TFEC: variants seen among roughly 807,000 people sequenced by gnomAD.
TFEC encodes the protein class E basic helix-loop-helix protein 34.
TFEC carries 31 observed loss-of-function variants against 41.6 expected under a neutral mutation model. The ratio of observed to expected loss-of-function variants is 0.74; its 90% confidence interval spans 0.56 to 1.01. The LOEUF (loss-of-function observed/expected upper bound fraction) is 1.01, where lower values mean the gene tolerates loss of function less well. Among genes scored for constraint, TFEC ranks in the 50% least tolerant of loss-of-function variants. The pLI is 0.00. For missense variants in TFEC, 402 were observed against 404.1 expected (o/e 0.99, Z 0.04); for synonymous variants, 143 against 140.6 (o/e 1.02, Z -0.12).
intron 3 of TFEC, among the ~76,000 whole-genome samples, chr7:115,965,541 G>A (rs1192113348): frequency 6.6e-6 from 1 of 151,188 alleles, no homozygotes; most frequent in Non-Finnish European, 1.5e-5. Context: ...TTTAGTTGAA[G>A]TTACTAATGT....
chr7:116,009,807 C>T (rs1486218714), intron 1 of TFEC, among the ~76,000 whole-genome samples: 1 of 152,162 alleles, frequency 6.6e-6, no homozygotes, highest in Non-Finnish European at 1.5e-5. Context: ...AACATGGTCT[C>T]TCTCCTCATG....
chr7:116,124,868 C>G (rs1484652429), intron 1 of TFEC, among the ~76,000 whole-genome samples: 2 of 152,118 alleles, frequency 1.3e-5, no homozygotes, highest in Non-Finnish European at 2.9e-5. Flanking sequence ...ACTGTGCAAG[C>G]TATGGTAGAG....
intron 1 of TFEC, among the ~76,000 whole-genome samples, chr7:116,153,532 G>A (rs913249522): frequency 3.9e-5 from 6 of 152,042 alleles, no homozygotes; most frequent in African/African-American, 7.2e-5. Flanking sequence ...GGATTACAGC[G>A]TAAGCCACCG....
chr7:116,003,841 A>C (rs1270721884), intron 1 of TFEC, among the ~76,000 whole-genome samples: 3 of 152,206 alleles, frequency 2.0e-5, no homozygotes, highest in Non-Finnish European at 4.4e-5. Context: ...AGCTAAAAAA[A>C]ACCCTCAAAA....
At chr7:116,123,289 TC>T (rs1343042862) in intron 1 of TFEC, among the ~76,000 whole-genome samples, 5 of 152,124 alleles carry the variant, frequency 3.3e-5, no homozygotes, top group Admixed American at 1.3e-4. Flanking sequence ...CTGAAGCCTC[TC>T]CTTTTGTCCC....
At chr7:116,043,638 C>T (rs1159399484) in intron 3 of TFEC, among the ~76,000 whole-genome samples, 1 of 152,000 alleles carries the variant, frequency 6.6e-6, no homozygotes, top group Non-Finnish European at 1.5e-5. Context: ...TCAAATAAAA[C>T]ATATTAAAAG....
At position 116,062,225 on chromosome 7, in the gene TFEC, C is replaced by CTTTTTTTTTTTTTTTTT. The variant is rs569480964; in HGVS notation, c.198+48466_198+48482dup. Among the ~76,000 whole-genome samples the CTTTTTTTTTTTTTTTTT allele has an allele frequency of 7.3e-4, 38 of 51,910 alleles. 3 individuals are homozygous for CTTTTTTTTTTTTTTTTT. The highest frequency in any genetic ancestry group is 1.5e-3 in the African/African-American group (13 of 8,896). 34.1% of individuals were successfully genotyped at this position (51,910 alleles called of 152,430 possible). A position where few individuals can be genotyped will look rare whatever the true frequency, so the allele number is the denominator to read the frequency against. On this transcript the variant is annotated intron_variant, in intron 3 of 8. Coordinates refer to the TFEC transcript ENST00000484212. ...ACAGGCATGTGCCAACATGCCTGGC[C>CTTTTTTTTTTTTTTTTT]TTTTTTTTTTTTTTTTTTTTTTTTT...
At chr7:115,984,548 G>A (rs1793770190) in intron 1 of TFEC, 35 bp from the exon 2 acceptor site, 2 of 1,598,950 alleles carry the variant, frequency 1.3e-6, no homozygotes, top group African/African-American at 1.3e-5. Flanking sequence ...ACAATGTGCA[G>A]CATCAGCTGT....
chr7:115,995,047 G>A (rs1794299211), intron 1 of TFEC, among the ~76,000 whole-genome samples: 1 of 152,024 alleles, frequency 6.6e-6, no homozygotes, highest in African/African-American at 2.4e-5. Flanking sequence ...GTCCTTTGTA[G>A]GGACATGGAT....
chr7:115,998,714 A>C lies in TFEC; in HGVS notation c.-72-14201T>G, dbSNP rs557721713. Among the ~76,000 whole-genome samples the C allele has an allele frequency of 2.0e-5, 3 of 152,198 alleles. No individual in the cohort carries two copies. In the East Asian group the frequency reaches 5.8e-4, roughly 29 times the overall value. On this transcript the variant is annotated intron_variant, in intron 1 of 7. Transcript: ENST00000265440. ...ATAGATAAAGTAGATTTCAAGAAAA[A>C]AGGTGTAAGAAGAGACAAAGAAGGT...
intron 6 of TFEC, among the ~76,000 whole-genome samples, chr7:115,949,986 T>G (rs181675539): frequency 1.3e-5 from 2 of 151,242 alleles, no homozygotes; most frequent in African/African-American, 4.8e-5. Context: ...TTTCAAATCA[T>G]TATTAATGCT....
intron 3 of TFEC, among the ~76,000 whole-genome samples, chr7:115,964,327 T>C (rs1792732963): frequency 6.6e-6 from 1 of 151,490 alleles, no homozygotes; most frequent in African/African-American, 2.4e-5. Context: ...TTTCAAGAAA[T>C]ATATCATGCC....
intron 5 of TFEC, among the ~76,000 whole-genome samples, chr7:115,953,304 T>C (rs1341057188): frequency 5.9e-5 from 9 of 152,134 alleles, no homozygotes; most frequent in South Asian, 2.1e-4. Context: ...CATAATTTTA[T>C]GTAAACTTCT....
At chr7:116,156,510 T>G (rs968544822) in intron 1 of TFEC, among the ~76,000 whole-genome samples, 1 of 152,184 alleles carries the variant, frequency 6.6e-6, no homozygotes, top group Non-Finnish European at 1.5e-5. Flanking sequence ...TTATTTCATG[T>G]GGGCTTCTCC....
At chr7:115,951,029 C>G in intron 5 of TFEC, 80 bp from the exon 6 acceptor site, 2 of 782,976 alleles carry the variant, frequency 2.6e-6, no homozygotes, top group South Asian at 3.0e-5. Context: ...TTTTAACAAT[C>G]TTTTAAAAAC....
chr7:115,977,342 G>C (rs149903066), intron 2 of TFEC, among the ~76,000 whole-genome samples: 731 of 152,064 alleles, frequency 4.8e-3, no homozygotes, highest in Non-Finnish European at 8.3e-3. Context: ...GAAAGTATAA[G>C]ATTCAAGGAC....
chr7:116,026,946 C>T (rs1795607265), intron 1 of TFEC, among the ~76,000 whole-genome samples: 1 of 152,118 alleles, frequency 6.6e-6, no homozygotes. Flanking sequence ...ATATCAGATG[C>T]CTCTTAGCCA....
chr7:116,054,112 T>C (rs528419743), intron 3 of TFEC, among the ~76,000 whole-genome samples: 5 of 152,266 alleles, frequency 3.3e-5, no homozygotes, highest in Admixed American at 1.3e-4. Flanking sequence ...AATAATTCTA[T>C]ACCATCAGGG....
At chr7:116,129,685 C>T (rs1224942779) in intron 1 of TFEC, among the ~76,000 whole-genome samples, 2 of 150,362 alleles carry the variant, frequency 1.3e-5, no homozygotes, top group Non-Finnish European at 1.5e-5. Context: ...CTCTGCCTCC[C>T]AGGTTCAAGC....
Sources: gnomAD v4.1 joint callset for allele counts (sites outside exome capture counted in the v4.1 genomes callset) on GRCh38, gnomAD v4.1.1 for gene constraint, MANE v1.5 for transcripts, NCBI Gene and HGNC (gene_info 2026-07-23, HGNC 2026-07-21) for gene names.